Variants in TARS3 observed in about 807,000 individuals in gnomAD.
TARS3 encodes threonyl-tRNA synthetase 3, also known as threonine--tRNA ligase 2, cytoplasmic.
A neutral mutation model predicts 103.5 loss-of-function variants in TARS3; 94 were observed. The ratio of observed to expected loss-of-function variants is 0.91; its 90% CI spans 0.77 to 1.08. The LOEUF is 1.08. TARS3 is among the 50% of genes least tolerant of loss of function. The pLI, the probability that TARS3 is intolerant of heterozygous loss-of-function variation, is 0.00. For synonymous variants in TARS3, 416 were observed against 355.4 expected (o/e 1.17, Z -1.92); for missense variants, 952 against 995.2 (o/e 0.96, Z 0.58).
At chr15:101,694,011 T>G (rs1898854563) in intron 10 of TARS3, among the ~76,000 whole-genome samples, 1 of 151,848 alleles carries the variant, frequency 6.6e-6, no homozygotes, top group Admixed American at 6.6e-5. Flanking sequence ...TTTTACTGCA[T>G]GACAATTAAA....
intron 7 of TARS3, among the ~76,000 whole-genome samples, chr15:101,704,725 A>G (rs1435710474): frequency 6.6e-6 from 1 of 151,970 alleles, no homozygotes; most frequent in African/African-American, 2.4e-5. Flanking sequence ...AAAATTAAAT[A>G]CAAGCCATTC....
chr15:101,708,319 CCAA>C (rs1899684200), intron 6 of TARS3, among the ~76,000 whole-genome samples: 1 of 147,018 alleles, frequency 6.8e-6, no homozygotes, highest in African/African-American at 2.5e-5. Flanking sequence ...TATGTTTTCT[CCAA>C]TATGTATGTT....
intron 6 of TARS3, among the ~76,000 whole-genome samples, 184 bp downstream of exon 6, chr15:101,708,609 A>AT (rs2141440378): frequency 6.6e-6 from 1 of 152,320 alleles, no homozygotes; most frequent in Admixed American, 6.5e-5. Context: ...CTCCCCTCAA[A>AT]TGTTCAGGAA....
In TARS3 at chr15:101,721,339, C is replaced by T. The variant is rs985691141; in HGVS notation, c.370-17G>A. Reference sequence around the variant, plus strand: ...ATGCTTCACCTGGAAATTATTAGAACATAATGAGATTAATATATACAGCCT... The same window carrying T: ...ATGCTTCACCTGGAAATTATTAGAATATAATGAGATTAATATATACAGCCT... On this transcript the variant is annotated splice_polypyrimidine_tract_variant and intron_variant, in intron 2 of 18. Coordinates refer to ENST00000335968, the MANE Select transcript of TARS3 (RefSeq NM_152334.3). The T allele has an allele frequency of 1.9e-6, 3 of 1,595,960 alleles. No homozygotes were observed. Among genetic ancestry groups the T allele is most frequent in the South Asian group, 2.2e-5 (2 of 90,564 alleles).
intron 4 of TARS3, among the ~76,000 whole-genome samples, chr15:101,713,817 A>G (rs113020669): frequency 0.015 from 2,334 of 152,344 alleles, 55 homozygotes; most frequent in African/African-American, 0.054. Flanking sequence ...AGGCATGGCT[A>G]GCTATGGCTG....
intron 12 of TARS3, among the ~76,000 whole-genome samples, chr15:101,679,535 T>C (rs759420774): frequency 6.6e-5 from 10 of 152,246 alleles, no homozygotes; most frequent in Non-Finnish European, 1.5e-4. Context: ...AGTGTGTTAG[T>C]AATTGCTCAT....
At chr15:101,716,118 G>A (rs1281779540) in intron 3 of TARS3, among the ~76,000 whole-genome samples, 1 of 151,880 alleles carries the variant, frequency 6.6e-6, no homozygotes, top group African/African-American at 2.4e-5. Flanking sequence ...CTGGGTTCAA[G>A]CGATTCTCCT....
intron 2 of TARS3, among the ~76,000 whole-genome samples, chr15:101,722,070 T>C (rs1341090488): frequency 6.6e-6 from 1 of 152,194 alleles, no homozygotes; most frequent in Non-Finnish European, 1.5e-5. Flanking sequence ...ACATTGGTTT[T>C]ATTGGGACAT....
chr15:101,683,389 T>G (rs1048842987), intron 12 of TARS3, among the ~76,000 whole-genome samples: 2 of 152,250 alleles, frequency 1.3e-5, no homozygotes, highest in African/African-American at 2.4e-5. Context: ...GGGTTAAACA[T>G]TAGGGTTAAT....
rs780451121 is a variant in TARS3, at chr15:101,703,871, G to C, written c.1062C>G (p.Ile354Met). The change falls in exon 8 of 19, where the codon ATC (isoleucine) becomes ATG (methionine). Residue 354 changes from isoleucine (I) to methionine (M), a missense_variant. Ile to Met is a conservative substitution (Grantham distance 10). Around this residue, in one of 2 missense-constraint regions of TARS3, gnomAD observed 540 missense variants for 631.0 expected, o/e 0.86. Coordinates refer to ENST00000335968, the MANE Select transcript of TARS3 (RefSeq NM_152334.3). ...HVRHTGKIKT[I>M]KIFKNSSTYW... is the part of the protein sequence containing the mutation. ...AATCAATCCTTACCTTAAAAATTTTGATGGTTTTAATTTTTCCAGTGTGTC... is the reference window on the plus strand; with the variant it reads ...AATCAATCCTTACCTTAAAAATTTTCATGGTTTTAATTTTTCCAGTGTGTC... 2 of 1,611,420 alleles carry C rather than the reference G, an allele frequency of 1.2e-6. No homozygotes were observed. The highest frequency in any genetic ancestry group is 1.1e-5 in the South Asian group (1 of 90,666).
In TARS3 at chr15:101,661,823, A is replaced by C. The variant is rs778915614; in HGVS notation, c.1968-7T>G. On this transcript the variant is annotated splice_polypyrimidine_tract_variant and splice_region_variant and intron_variant, in intron 15 of 18. Transcript: ENST00000335968. ...CTTATCATCCCCATCCTTACTAAAA[A>C]ATGAAAATTATACATTTAAGTCTTT... The C allele has an allele frequency of 2.0e-6, 3 of 1,530,054 alleles. No homozygotes were observed. In the South Asian group the frequency reaches 3.8e-5, roughly 19 times the overall value. 94.8% of individuals were successfully genotyped at this position (1,530,054 alleles called of 1,614,324 possible). A position where few individuals can be genotyped will look rare whatever the true frequency, so the allele number is the denominator to read the frequency against.
chr15:101,711,750 TG>T, intron 5 of TARS3, 129 bp downstream of exon 5: 1 of 1,069,528 alleles, frequency 9.3e-7, no homozygotes, highest in Non-Finnish European at 1.3e-6. Context: ...TTCAACTGCA[TG>T]GGCGTCGGTG....
chr15:101,720,653 TA>T (rs906848660), intron 3 of TARS3, among the ~76,000 whole-genome samples: 28 of 150,394 alleles, frequency 1.9e-4, no homozygotes, highest in Admixed American at 9.3e-4. Context: ...TTCAACTGAA[TA>T]AAAAAAAAAT....
chr15:101,674,602 C>G (rs958126929), intron 13 of TARS3, among the ~76,000 whole-genome samples: 2 of 151,882 alleles, frequency 1.3e-5, no homozygotes, highest in African/African-American at 4.8e-5. Flanking sequence ...GTCAGGAGAT[C>G]GAGACCATCC....
intron 5 of TARS3, among the ~76,000 whole-genome samples, chr15:101,710,547 C>T (rs1483743117): frequency 6.6e-6 from 1 of 152,154 alleles, no homozygotes; most frequent in Non-Finnish European, 1.5e-5. Context: ...TCATTAGACA[C>T]CTCATTGGTG....
At chr15:101,719,757 C>T (rs1368462334) in intron 3 of TARS3, among the ~76,000 whole-genome samples, 2 of 152,212 alleles carry the variant, frequency 1.3e-5, no homozygotes, top group African/African-American at 4.8e-5. Context: ...GAAACCCTAC[C>T]TAGGAGACAG....
chr15:101,709,277 C>A (rs1411586671), intron 5 of TARS3, among the ~76,000 whole-genome samples: 2 of 152,268 alleles, frequency 1.3e-5, no homozygotes, highest in Non-Finnish European at 2.9e-5. Flanking sequence ...CCTGCCCTCA[C>A]TGGCTATGGA....
At chr15:101,679,256 T>G (rs1010897604) in intron 12 of TARS3, among the ~76,000 whole-genome samples, 4 of 152,202 alleles carry the variant, frequency 2.6e-5, no homozygotes, top group Non-Finnish European at 4.4e-5. Context: ...CTTCCAAAAT[T>G]ATGATGATAT....
chr15:101,705,567 G>A (rs1899513342), intron 7 of TARS3, 116 bp downstream of exon 7: 2 of 780,318 alleles, frequency 2.6e-6, no homozygotes, highest in Admixed American at 2.5e-5. Flanking sequence ...AACTACGGTA[G>A]ATTATCAACT....
Sources: allele counts gnomAD v4.1 joint callset (sites outside exome capture counted in the v4.1 genomes callset), GRCh38; gene constraint gnomAD v4.1.1; regional missense constraint gnomAD v4.1.1; transcripts MANE v1.5; gene names NCBI Gene and HGNC (gene_info 2026-07-23, HGNC 2026-07-21).